Variants in DNAH14 observed in about 807,000 individuals in gnomAD.
The protein encoded by DNAH14 is axonemal beta dynein heavy chain 14.
DNAH14 carries 478 observed loss-of-function variants against 520.9 expected under a neutral mutation model. The ratio of observed to expected loss-of-function variants is 0.92; its 90% confidence interval spans 0.85 to 0.99. The LOEUF is 0.99. DNAH14 is among the 50% of genes least tolerant of loss of function. The pLI, the probability that DNAH14 is intolerant of heterozygous loss-of-function variation, is 0.00. For synonymous variants in DNAH14, 1,581 were observed against 1,757.2 expected, an observed-to-expected ratio of 0.90 and a Z score of 2.51; for missense variants, 4,831 against 5,234.5, an observed-to-expected ratio of 0.92 and a Z score of 2.38.
intron 84 of DNAH14, among the ~76,000 whole-genome samples, chr1:225,392,977 A>C (rs1346552051): frequency 6.6e-6 from 1 of 151,884 alleles, no homozygotes; most frequent in Admixed American, 6.6e-5. Context: ...CAGCCCTGCC[A>C]CTCCCACGCC....
intron 38 of DNAH14, among the ~76,000 whole-genome samples, chr1:225,201,402 G>A (rs1444010950): frequency 2.0e-5 from 3 of 151,988 alleles, no homozygotes; most frequent in African/African-American, 7.3e-5. Flanking sequence ...TTCATTGCTG[G>A]TGAGCTAGTG....
At chr1:224,933,041 T>A (rs1235846252) in intron 1 of DNAH14, among the ~76,000 whole-genome samples, 1 of 150,644 alleles carries the variant, frequency 6.6e-6, no homozygotes, top group Non-Finnish European at 1.5e-5. Flanking sequence ...TTAAATGATA[T>A]TAATTCTTCC....
intron 12 of DNAH14, among the ~76,000 whole-genome samples, chr1:225,039,411 C>T (rs1296071052): frequency 7.7e-6 from 1 of 129,712 alleles, no homozygotes; most frequent in Non-Finnish European, 1.8e-5. Flanking sequence ...TTTAGAATTG[C>T]CCCTAATATC....
At chr1:225,355,577 A>G (rs1362326701) in intron 73 of DNAH14, among the ~76,000 whole-genome samples, 5 of 152,216 alleles carry the variant, frequency 3.3e-5, no homozygotes, top group Non-Finnish European at 7.3e-5. Flanking sequence ...AGGTTTCACC[A>G]TATAAATTTA....
chr1:225,197,752 C>T (rs2086342825), intron 38 of DNAH14, among the ~76,000 whole-genome samples: 1 of 152,020 alleles, frequency 6.6e-6, no homozygotes, highest in African/African-American at 2.4e-5. Flanking sequence ...TTGTCTTTCA[C>T]CTCCTTCATT....
At chr1:225,099,339 CAG>C (rs1284232626) in intron 22 of DNAH14, among the ~76,000 whole-genome samples, 1 of 152,116 alleles carries the variant, frequency 6.6e-6, no homozygotes, top group Non-Finnish European at 1.5e-5. Context: ...CCTTTAATAA[CAG>C]GGCAAGGAAG....
chr1:225,198,445 C>CT (rs2086428755), intron 38 of DNAH14, among the ~76,000 whole-genome samples: 1 of 152,110 alleles, frequency 6.6e-6, no homozygotes, highest in Non-Finnish European at 1.5e-5. Flanking sequence ...TCTCAATCTC[C>CT]TGACCTTGTG....
At chr1:224,961,522 G>A (rs1248173470) in intron 4 of DNAH14, among the ~76,000 whole-genome samples, 1 of 152,062 alleles carries the variant, frequency 6.6e-6, no homozygotes, top group Non-Finnish European at 1.5e-5. Flanking sequence ...GGAGAAGCAG[G>A]CACCTTCTTC....
Position 225,185,424 on chromosome 1 carries a change from A to C in DNAH14, c.5669A>C (p.Lys1890Thr). The C allele has an allele frequency of 6.5e-7, 1 of 1,530,608 alleles. No homozygotes were observed. The highest frequency in any genetic ancestry group is 1.4e-5 in the African/African-American group (1 of 71,898). 94.8% of individuals were successfully genotyped at this position (1,530,608 alleles called of 1,614,324 possible). Residue 1890 changes from lysine to threonine, a missense_variant and splice_region_variant, in exon 37 of 86, where the codon AAG (lysine) becomes ACG (threonine). Coordinates refer to ENST00000682510, the MANE Select transcript of DNAH14 (RefSeq NM_001367479.1). ...GTTGCAGAAAGAAAATCTGCTTCAA[A>C]GGTAAATGTTCTGTTAAATAAAATG... ...LSVAERKSAS[K>T]ISERKGKVDI...
chr1:225,373,018 A>G (rs2095636893), intron 77 of DNAH14, among the ~76,000 whole-genome samples: 1 of 152,152 alleles, frequency 6.6e-6, no homozygotes, highest in Non-Finnish European at 1.5e-5. Context: ...AAATAAACCA[A>G]CATTTCCTGT....
chr1:225,314,858 C>G (rs1034271361), intron 60 of DNAH14, among the ~76,000 whole-genome samples: 2 of 152,208 alleles, frequency 1.3e-5, no homozygotes, highest in South Asian at 2.1e-4. Flanking sequence ...TTCTCTCTGG[C>G]TGCCTTTAAC....
intron 21 of DNAH14, among the ~76,000 whole-genome samples, chr1:225,092,164 G>A (rs1482518777): frequency 6.6e-6 from 1 of 151,908 alleles, no homozygotes; most frequent in Non-Finnish European, 1.5e-5. Flanking sequence ...AGACTATTGA[G>A]GCAGAAAATA....
intron 23 of DNAH14, among the ~76,000 whole-genome samples, chr1:225,116,996 A>T (rs1187555828): frequency 6.6e-6 from 1 of 152,144 alleles, no homozygotes; most frequent in Non-Finnish European, 1.5e-5. Flanking sequence ...ACAAAGAGAG[A>T]TGGAGGGCTT....
intron 30 of DNAH14, among the ~76,000 whole-genome samples, chr1:225,146,776 C>T (rs187957578): frequency 3.9e-4 from 60 of 152,346 alleles, no homozygotes; most frequent in African/African-American, 1.4e-3. Flanking sequence ...CAGGGTGCAG[C>T]TGTGTGAGGG....
chr1:225,198,909 A>G (rs977004300), intron 38 of DNAH14, among the ~76,000 whole-genome samples: 1 of 152,288 alleles, frequency 6.6e-6, no homozygotes, highest in East Asian at 1.9e-4. Flanking sequence ...GGGTAATAAG[A>G]TAGATTGCTA....
In DNAH14 at chr1:225,043,057, C is replaced by A. The variant is rs1367746407; in HGVS notation, c.1711C>A (p.Leu571Ile). Residue 571 changes from leucine (L) to isoleucine (I), a missense_variant, in exon 13 of 86, where the codon CTC becomes ATC. Leu to Ile is a conservative substitution (Grantham distance 5). Coordinates refer to ENST00000682510, the MANE Select transcript of DNAH14 (RefSeq NM_001367479.1). The stretch of plus-strand genomic sequence containing the variant: ...CAAAAAACACTCAAGTGAAGAATTG[C>A]TCCCAAAAGCCAAGAAATCAAAAGA... ...CVKKHSSEEL[L>I]PKAKKSKEIS... 1 of 1,551,258 alleles carries A rather than the reference C, an allele frequency of 6.4e-7. No homozygotes were observed. Among genetic ancestry groups the A allele is most frequent in the African/African-American group, 1.4e-5 (1 of 72,938 alleles).
chr1:225,300,699 T>C (rs2094121632), intron 55 of DNAH14, among the ~76,000 whole-genome samples, 170 bp from the exon 56 acceptor site: 1 of 151,460 alleles, frequency 6.6e-6, no homozygotes, highest in Non-Finnish European at 1.5e-5. Context: ...GGTGAGACTT[T>C]GTCTCAAAAA....
At chr1:225,150,024 G>A (rs964195315) in intron 31 of DNAH14, among the ~76,000 whole-genome samples, 2 of 152,130 alleles carry the variant, frequency 1.3e-5, no homozygotes, top group Admixed American at 1.3e-4. Flanking sequence ...TCAGTATGAT[G>A]TTGGCTGTGA....
intron 75 of DNAH14, 128 bp from the exon 76 acceptor site, chr1:225,364,664 A>C: frequency 1.7e-6 from 1 of 593,936 alleles, no homozygotes; most frequent in Non-Finnish European, 2.8e-6. Context: ...CTCTTCTGAT[A>C]ATACAGTAAG....
Sources: gnomAD v4.1 joint callset for allele counts (sites outside exome capture counted in the v4.1 genomes callset) on GRCh38, gnomAD v4.1.1 for gene constraint, MANE v1.5 for transcripts, NCBI Gene and HGNC (gene_info 2026-07-23, HGNC 2026-07-21) for gene names.